AGBL1: variants seen among roughly 807,000 people sequenced by gnomAD.
The protein encoded by AGBL1 is cytosolic carboxypeptidase 4.
AGBL1 carries 130 observed loss-of-function variants against 118.9 expected under a neutral mutation model. The ratio of observed to expected loss-of-function variants is 1.09; its 90% CI spans 0.95 to 1.26. The LOEUF (loss-of-function observed/expected upper bound fraction) is 1.26. Among genes scored for constraint, AGBL1 ranks in the 50% most tolerant of loss-of-function variants. The pLI, the probability that AGBL1 is intolerant of heterozygous loss-of-function variation, is 0.00. For synonymous variants in AGBL1, 555 were observed against 478.9 expected (o/e 1.16, Z -2.08); for missense variants, 1,584 against 1,298.1 (o/e 1.22, Z -3.38).
intron 22 of AGBL1, among the ~76,000 whole-genome samples, chr15:86,788,150 G>A (rs1178364917): frequency 6.6e-6 from 1 of 152,168 alleles, no homozygotes; most frequent in East Asian, 1.9e-4. Flanking sequence ...TGAGGTAGTG[G>A]CTCTGCACGG....
chr15:86,257,166 A>G, intron 8 of AGBL1, 148 bp downstream of exon 8: 1 of 955,150 alleles, frequency 1.0e-6, no homozygotes, highest in Non-Finnish European at 1.5e-6. Context: ...ATGAAAAAGC[A>G]GTTTTGATTT....
intron 1 of AGBL1, among the ~76,000 whole-genome samples, chr15:86,082,652 T>A (rs1432922291): frequency 6.6e-6 from 1 of 152,270 alleles, no homozygotes; most frequent in African/African-American, 2.4e-5. Context: ...ATCAGTTTTC[T>A]GTGTGTTAAC....
intron 17 of AGBL1, among the ~76,000 whole-genome samples, chr15:86,354,061 A>G (rs1048504548): frequency 6.6e-6 from 1 of 152,230 alleles, no homozygotes; most frequent in Non-Finnish European, 1.5e-5. Context: ...GCACTTCTGC[A>G]TAGATGCAGC....
At chr15:86,729,918 A>G (rs1370802438) in intron 22 of AGBL1, among the ~76,000 whole-genome samples, 1 of 152,154 alleles carries the variant, frequency 6.6e-6, no homozygotes, top group Non-Finnish European at 1.5e-5. Flanking sequence ...TTTTCTCCAC[A>G]ACCTCAGCAA....
At chr15:86,368,139 T>G (rs1002595426) in intron 17 of AGBL1, among the ~76,000 whole-genome samples, 10 of 152,132 alleles carry the variant, frequency 6.6e-5, no homozygotes, top group Non-Finnish European at 1.3e-4. Context: ...AGGATAAAGA[T>G]GCATCCAGGA....
intron 16 of AGBL1, among the ~76,000 whole-genome samples, chr15:86,294,857 A>G (rs1323643198): frequency 6.6e-6 from 1 of 152,204 alleles, no homozygotes; most frequent in Non-Finnish European, 1.5e-5. Flanking sequence ...CATCACCCAA[A>G]TGACGTACAT....
chr15:87,011,015 C>T (rs1270608924), intron 24 of AGBL1, among the ~76,000 whole-genome samples: 1 of 152,182 alleles, frequency 6.6e-6, no homozygotes, highest in Non-Finnish European at 1.5e-5. Flanking sequence ...CCATTTTTCT[C>T]TTCTTGTTAA....
chr15:86,401,740 T>A (rs1223421494), intron 18 of AGBL1, among the ~76,000 whole-genome samples: 1 of 152,182 alleles, frequency 6.6e-6, no homozygotes, highest in Non-Finnish European at 1.5e-5. Context: ...GTATGCTTTG[T>A]CAAAGATCAC....
chr15:86,411,307 A>G (rs2081616361), intron 18 of AGBL1, among the ~76,000 whole-genome samples: 1 of 152,080 alleles, frequency 6.6e-6, no homozygotes, highest in Non-Finnish European at 1.5e-5. Flanking sequence ...TCAAGATCAC[A>G]GAAGCCCAGT....
chr15:86,625,043 C>T (rs528020822), intron 21 of AGBL1, among the ~76,000 whole-genome samples: 69 of 152,304 alleles, frequency 4.5e-4, no homozygotes, highest in Non-Finnish European at 8.7e-4. Context: ...GCCCCACACC[C>T]ACGCAGCACC....
chr15:86,196,371 A>G (rs561574666), intron 5 of AGBL1, among the ~76,000 whole-genome samples: 34 of 152,266 alleles, frequency 2.2e-4, no homozygotes, highest in Middle Eastern at 6.8e-3. Context: ...CCTGAAATCT[A>G]CAATAGCAAT....
chr15:86,923,245 A>C (rs2080498443), intron 23 of AGBL1, among the ~76,000 whole-genome samples: 1 of 152,224 alleles, frequency 6.6e-6, no homozygotes, highest in Non-Finnish European at 1.5e-5. Context: ...GATTAAAGTG[A>C]ATTGAAAAGA....
intron 24 of AGBL1, among the ~76,000 whole-genome samples, chr15:87,006,975 C>G (rs1366777919): frequency 6.6e-6 from 1 of 152,002 alleles, no homozygotes; most frequent in African/African-American, 2.4e-5. Context: ...CAAAACATAG[C>G]AGAAAGTAAA....
At chr15:86,715,050 C>G (rs1427498539) in intron 22 of AGBL1, among the ~76,000 whole-genome samples, 1 of 152,198 alleles carries the variant, frequency 6.6e-6, no homozygotes, top group African/African-American at 2.4e-5. Context: ...CTCCCTGCCC[C>G]CAGCACTTTT....
In AGBL1 at chr15:86,224,899, T is replaced by G; in HGVS notation, c.489-15T>G. On this transcript the variant is annotated splice_polypyrimidine_tract_variant and intron_variant, in intron 5 of 22. Coordinates refer to ENST00000614907, the MANE Select transcript of AGBL1 (RefSeq NM_001386094.1). ...CATTGAATGTTGACTGTTACTTTTCTTTCTCTTTCCCCAGGGCAGCCACTG... is the reference window on the plus strand; with the variant it reads ...CATTGAATGTTGACTGTTACTTTTCGTTCTCTTTCCCCAGGGCAGCCACTG... The G allele has an allele frequency of 6.2e-7, 1 of 1,613,208 alleles. No homozygotes were observed. The highest frequency in any genetic ancestry group is 8.5e-7 in the Non-Finnish European group (1 of 1,179,370).
At chr15:86,422,236 TAACA>T (rs1418233518) in intron 18 of AGBL1, among the ~76,000 whole-genome samples, 1 of 152,166 alleles carries the variant, frequency 6.6e-6, no homozygotes, top group Non-Finnish European at 1.5e-5. Flanking sequence ...ATGGAAATCA[TAACA>T]AACAGTCTCT....
At chr15:86,468,571 G>T (rs2082437326) in intron 18 of AGBL1, among the ~76,000 whole-genome samples, 1 of 152,112 alleles carries the variant, frequency 6.6e-6, no homozygotes, top group African/African-American at 2.4e-5. Context: ...AGAATTGTTT[G>T]ATGTGTCTTA....
intron 22 of AGBL1, among the ~76,000 whole-genome samples, chr15:86,728,700 TTTTTC>T (rs1321568772): frequency 1.3e-4 from 20 of 152,354 alleles, no homozygotes; most frequent in South Asian, 6.2e-4. Context: ...AGGGTTTTTC[TTTTTC>T]TTTTCTTTTT....
chr15:86,461,986 A>G (rs1044840969), intron 18 of AGBL1, among the ~76,000 whole-genome samples: 1 of 152,162 alleles, frequency 6.6e-6, no homozygotes, highest in Admixed American at 6.5e-5. Flanking sequence ...CGCAGCCCAT[A>G]CAAATTCTTA....
Sources: gnomAD v4.1 joint callset for allele counts (sites outside exome capture counted in the v4.1 genomes callset) on GRCh38, gnomAD v4.1.1 for gene constraint, MANE v1.5 for transcripts, NCBI Gene and HGNC (gene_info 2026-07-23, HGNC 2026-07-21) for gene names.